The following PARN variants were observed in gnomAD, a reference collection of about 807,000 sequenced individuals.
The protein encoded by PARN is poly(A)-specific ribonuclease PARN.
PARN carries 71 observed loss-of-function variants against 102.8 expected under a neutral mutation model. The ratio of observed to expected loss-of-function variants is 0.69; its 90% CI spans 0.57 to 0.84. The LOEUF is 0.84. Ranked by LOEUF, PARN falls within the 40% of genes least tolerant of loss-of-function variation. The probability of loss-of-function intolerance (pLI) is 0.00; values close to 1 mark genes in which losing one functional copy is unlikely to be tolerated. For missense variants in PARN, 782 were observed against 760.9 expected, an observed-to-expected ratio of 1.03 and a Z score of -0.33; for synonymous variants, 261 against 252.9, an observed-to-expected ratio of 1.03 and a Z score of -0.30.
intron 21 of PARN, among the ~76,000 whole-genome samples, chr16:14,517,182 A>C (rs1325146890): frequency 6.6e-6 from 1 of 152,220 alleles, no homozygotes; most frequent in Non-Finnish European, 1.5e-5. Context: ...TGCTCCTGCC[A>C]TCAAGAGGTG....
At chr16:14,528,023 G>A (rs117425321) in intron 21 of PARN, among the ~76,000 whole-genome samples, 4,300 of 152,268 alleles carry the variant, frequency 0.028, 83 homozygotes, top group Non-Finnish European at 0.041. Context: ...TGAATTGTGG[G>A]TTACAAAAAA....
At chr16:14,481,383 T>C (rs1284701982) in intron 22 of PARN, among the ~76,000 whole-genome samples, 1 of 152,250 alleles carries the variant, frequency 6.6e-6, no homozygotes, top group Non-Finnish European at 1.5e-5. Flanking sequence ...CAAACAACTC[T>C]ATTTTTTATA....
intron 21 of PARN, among the ~76,000 whole-genome samples, chr16:14,515,461 A>G (rs1013902795): frequency 5.9e-5 from 9 of 152,218 alleles, no homozygotes; most frequent in African/African-American, 1.4e-4. Flanking sequence ...CAGTAAAAAG[A>G]AAGGAAAACA....
At chr16:14,476,298 C>T (rs1963048235) in intron 22 of PARN, among the ~76,000 whole-genome samples, 1 of 152,176 alleles carries the variant, frequency 6.6e-6, no homozygotes, top group African/African-American at 2.4e-5. Context: ...TTACATTCTT[C>T]AAAATCTGGT....
chr16:14,505,253 C>T (rs1964829582), intron 21 of PARN, among the ~76,000 whole-genome samples: 1 of 152,192 alleles, frequency 6.6e-6, no homozygotes, highest in Non-Finnish European at 1.5e-5. Flanking sequence ...AAGCCAGAAA[C>T]TATAAAAGAA....
intron 21 of PARN, among the ~76,000 whole-genome samples, chr16:14,513,572 C>A (rs534648039): frequency 5.4e-4 from 82 of 152,334 alleles, no homozygotes; most frequent in East Asian, 1.2e-3. Context: ...CCAGAAGGCT[C>A]TGCACATGGC....
At chr16:14,446,275 G>A (rs1386283692) in intron 23 of PARN, among the ~76,000 whole-genome samples, 1 of 152,200 alleles carries the variant, frequency 6.6e-6, no homozygotes, top group African/African-American at 2.4e-5. Flanking sequence ...TGCTTCTTAA[G>A]CGCAGCATGG....
At chr16:14,503,260 G>C (rs1430035106) in intron 21 of PARN, among the ~76,000 whole-genome samples, 2 of 152,078 alleles carry the variant, frequency 1.3e-5, no homozygotes, top group East Asian at 3.9e-4. Flanking sequence ...GTCCACATGA[G>C]GGTAGTTTAT....
intron 11 of PARN, among the ~76,000 whole-genome samples, chr16:14,603,122 C>T (rs1051203070): frequency 2.4e-4 from 36 of 152,146 alleles, no homozygotes; most frequent in African/African-American, 8.7e-4. Flanking sequence ...TGGGGTTTCG[C>T]TATGTTGCTC....
chr16:14,456,470 G>T (rs137873089), intron 22 of PARN, among the ~76,000 whole-genome samples: 1 of 152,186 alleles, frequency 6.6e-6, no homozygotes, highest in Non-Finnish European at 1.5e-5. Context: ...CATCATGCCT[G>T]GCCTACAGTA....
chr16:14,495,840 C>T (rs889632491), intron 21 of PARN, among the ~76,000 whole-genome samples: 2 of 152,014 alleles, frequency 1.3e-5, no homozygotes, highest in Non-Finnish European at 2.9e-5. Flanking sequence ...GAGGTGTGTG[C>T]GCGGACAGCT....
At chr16:14,585,115 C>G (rs1969762477) in intron 14 of PARN, among the ~76,000 whole-genome samples, 2 of 152,164 alleles carry the variant, frequency 1.3e-5, no homozygotes, top group African/African-American at 4.8e-5. Flanking sequence ...CTCCATCAAT[C>G]TCAAGGGTGA....
At chr16:14,438,909 A>G (rs1299419143) in intron 23 of PARN, among the ~76,000 whole-genome samples, 3 of 152,198 alleles carry the variant, frequency 2.0e-5, no homozygotes, top group South Asian at 2.1e-4. Flanking sequence ...TCTTTCCAGC[A>G]CCTTCCAGAA....
chr16:14,447,271 G>C (rs1323077433), intron 22 of PARN, among the ~76,000 whole-genome samples, 190 bp from the exon 23 acceptor site: 1 of 152,138 alleles, frequency 6.6e-6, no homozygotes, highest in Non-Finnish European at 1.5e-5. Flanking sequence ...CCTATAACAA[G>C]CTTATTCAGA....
chr16:14,627,848 A>T (rs896848195), intron 3 of PARN, among the ~76,000 whole-genome samples: 22 of 152,184 alleles, frequency 1.4e-4, no homozygotes, highest in South Asian at 4.1e-4. Flanking sequence ...AAATTAAAAA[A>T]AATAATAATA....
intron 11 of PARN, among the ~76,000 whole-genome samples, chr16:14,603,421 A>C (rs1970996621): frequency 6.6e-6 from 1 of 150,836 alleles, no homozygotes; most frequent in Non-Finnish European, 1.5e-5. Flanking sequence ...ATGCAAACCC[A>C]CTCCTCTCTC....
At chr16:14,501,353 G>C (rs1964582033) in intron 21 of PARN, among the ~76,000 whole-genome samples, 2 of 137,726 alleles carry the variant, frequency 1.5e-5, no homozygotes, top group Admixed American at 1.6e-4. Flanking sequence ...TGCGCCTATA[G>C]TCCCAGCTAC....
chr16:14,462,087 C>T (rs1479470461), intron 22 of PARN, among the ~76,000 whole-genome samples: 1 of 152,172 alleles, frequency 6.6e-6, no homozygotes, highest in Admixed American at 6.5e-5. Context: ...TGTTATTTAA[C>T]TAACCTGGTG....
intron 22 of PARN, among the ~76,000 whole-genome samples, chr16:14,465,294 G>C (rs1029318541): frequency 6.6e-6 from 1 of 152,102 alleles, no homozygotes; most frequent in African/African-American, 2.4e-5. Context: ...ACATTGCCCA[G>C]GCTGGTCTCG....
Sources: gnomAD v4.1 joint callset for allele counts (sites outside exome capture counted in the v4.1 genomes callset) on GRCh38, gnomAD v4.1.1 for gene constraint, MANE v1.5 for transcripts, NCBI Gene and HGNC (gene_info 2026-07-23, HGNC 2026-07-21) for gene names.